Variants in HADH observed in about 807,000 individuals in gnomAD.
HADH encodes hydroxyacyl-CoA dehydrogenase, also known as hydroxyacyl-coenzyme A dehydrogenase, mitochondrial.
HADH carries 24 observed loss-of-function variants against 32.2 expected under a neutral mutation model. The observed-to-expected ratio is 0.75, with a 90% CI of 0.54 to 1.05. The LOEUF (loss-of-function observed/expected upper bound fraction) is 1.05, where lower values mean the gene tolerates loss of function less well. HADH is among the 50% of genes least tolerant of loss of function. The pLI is 0.00. For synonymous variants in HADH, 139 were observed against 152.5 expected (o/e 0.91, Z 0.65); for missense variants, 350 against 397.1 (o/e 0.88, Z 1.01).
intron 1 of HADH, among the ~76,000 whole-genome samples, chr4:107,999,864 A>G (rs558614926): frequency 1.3e-5 from 2 of 152,358 alleles, no homozygotes; most frequent in South Asian, 4.1e-4. Context: ...ATAATAGTTT[A>G]CATACCTTAC....
At chr4:107,994,291 C>G (rs1734895054) in intron 1 of HADH, among the ~76,000 whole-genome samples, 1 of 151,832 alleles carries the variant, frequency 6.6e-6, no homozygotes, top group Non-Finnish European at 1.5e-5. Context: ...CTAGAGAGAG[C>G]TTCTTTGGCT....
intron 4 of HADH, among the ~76,000 whole-genome samples, chr4:108,021,759 G>C (rs1229201184): frequency 6.6e-6 from 1 of 152,142 alleles, no homozygotes; most frequent in Non-Finnish European, 1.5e-5. Flanking sequence ...AGACTTTTTA[G>C]ACCTCCTTTC....
Position 108,001,065 on chromosome 4 carries a change from T to G in HADH, c.133-8694T>G, listed in dbSNP as rs78179829. 3.0e-3 allele frequency among the ~76,000 whole-genome samples: 450 copies of G among 152,328 alleles called. 5 individuals carry two copies. The highest frequency in any genetic ancestry group is 9.9e-3 in the African/African-American group (411 of 41,578). ...GCAGTAAAAATCTAGTTCTGAGGTT[T>G]CAAAATAGAAAGTACATTCATTTGG... is the stretch of plus-strand genomic sequence containing the variant. On this transcript the variant is annotated intron_variant, in intron 1 of 7. Coordinates refer to ENST00000309522, the MANE Select transcript of HADH (RefSeq NM_005327.7).
At chr4:108,011,478 CGTG>C (rs1462831239) in intron 2 of HADH, among the ~76,000 whole-genome samples, 1 of 152,136 alleles carries the variant, frequency 6.6e-6, no homozygotes, top group Non-Finnish European at 1.5e-5. Context: ...TCCCACAACA[CGTG>C]GGGATTATTA....
At chr4:108,028,900 T>A (rs1055244258) in intron 6 of HADH, 4 of 398,472 alleles carry the variant, frequency 1.0e-5, no homozygotes, top group Non-Finnish European at 1.8e-5. Flanking sequence ...TTGTCTGTGG[T>A]CCCTTTCTGC....
At chr4:107,990,989 G>T (rs966766236) in intron 1 of HADH, among the ~76,000 whole-genome samples, 1 of 152,000 alleles carries the variant, frequency 6.6e-6, no homozygotes, top group Non-Finnish European at 1.5e-5. Flanking sequence ...TGATCCGCCC[G>T]CCTGGCCTCC....
chr4:108,017,340 A>G (rs1214480696), intron 3 of HADH, among the ~76,000 whole-genome samples: 2 of 152,144 alleles, frequency 1.3e-5, no homozygotes, highest in African/African-American at 2.4e-5. Context: ...TCCCCTTTAG[A>G]CAAAGTACAG....
chr4:108,021,307 G>T (rs756669586), intron 4 of HADH, among the ~76,000 whole-genome samples: 1 of 152,214 alleles, frequency 6.6e-6, no homozygotes, highest in Non-Finnish European at 1.5e-5. Context: ...ATCTGGTAAT[G>T]TATGCTTTTG....
rs931293481 is a variant in HADH, at chr4:108,033,979, A to G, written c.827-260A>G. On this transcript the variant is annotated intron_variant, in intron 7 of 7. Transcript: ENST00000309522. ...GCCTTTGGCCGTAGTGATTTCTGAG[A>G]AGACACTGGATAAGCAGGAGGACCA... Among the ~76,000 whole-genome samples the G allele has an allele frequency of 4.6e-5, 7 of 152,346 alleles. No individual in the cohort carries two copies. The East Asian group carries it at 1.4e-3, about 29-fold the overall frequency.
chr4:107,994,153 G>C (rs1734890808), intron 1 of HADH, among the ~76,000 whole-genome samples: 1 of 152,024 alleles, frequency 6.6e-6, no homozygotes, highest in South Asian at 2.1e-4. Context: ...CTTCTTTTTA[G>C]TGCACTACTC....
At chr4:108,032,035 G>C (rs1044645334) in intron 6 of HADH, 1 of 294,052 alleles carries the variant, frequency 3.4e-6, no homozygotes, top group African/African-American at 2.1e-5. Flanking sequence ...AAATCCTTTG[G>C]AATTACTTTA....
At chr4:108,013,531 G>A (rs1464650935) in intron 2 of HADH, among the ~76,000 whole-genome samples, 1 of 152,028 alleles carries the variant, frequency 6.6e-6, no homozygotes, top group Admixed American at 6.6e-5. Context: ...CCTCTGCCAG[G>A]GACACCACTG....
chr4:107,991,473 T>A (rs759158290), intron 1 of HADH, among the ~76,000 whole-genome samples: 8 of 152,218 alleles, frequency 5.3e-5, no homozygotes, highest in Non-Finnish European at 1.2e-4. Context: ...TACAACGTTT[T>A]TATTTGATTG....
chr4:108,014,463 C>T lies in HADH; in HGVS notation c.294C>T (p.Ser98=), dbSNP rs537845181. 1.9e-6 allele frequency: 3 copies of T among 1,614,136 alleles called. No individual in the cohort carries two copies. The highest frequency in any genetic ancestry group is 4.5e-5 in the East Asian group (2 of 44,882). The change falls in exon 3 of 8, where the codon AGC becomes AGT. Residue 98 remains serine (S), a synonymous_variant. Transcript: ENST00000309522. ...ATGAATTTGTGGAGAAGACCCTGAG[C>T]ACCATAGCGACCAGCACGGATGCAG... is the stretch of plus-strand genomic sequence containing the variant. The part of the protein sequence containing the change: ...AGDEFVEKTL[S]TIATSTDAAS...
intron 5 of HADH, 24 bp downstream of exon 5, chr4:108,023,587 A>G: frequency 7.6e-7 from 1 of 1,308,532 alleles, no homozygotes; most frequent in Non-Finnish European, 1.1e-6. Context: ...TAGCTTGGGA[A>G]GGAGGTAGTT....
chr4:108,004,446 C>A, intron 1 of HADH: 1 of 335,898 alleles, frequency 3.0e-6, no homozygotes. Context: ...TTTTTTTACC[C>A]AAACTGTACA....
At chr4:108,019,808 C>G in intron 4 of HADH, 142 bp downstream of exon 4, 1 of 881,246 alleles carries the variant, frequency 1.1e-6, no homozygotes, top group Admixed American at 1.8e-5. Flanking sequence ...AGCCTCATAT[C>G]TAGGAGGGCT....
chr4:108,006,639 GA>G (rs1735302296), intron 1 of HADH, among the ~76,000 whole-genome samples: 1 of 152,166 alleles, frequency 6.6e-6, no homozygotes, highest in Non-Finnish European at 1.5e-5. Context: ...TGGAGTCTGA[GA>G]ATTTGTATTT....
At chr4:108,003,423 T>C (rs193103280) in intron 1 of HADH, among the ~76,000 whole-genome samples, 207 of 152,316 alleles carry the variant, frequency 1.4e-3, no homozygotes, top group Middle Eastern at 3.4e-3. Flanking sequence ...TACTATCATA[T>C]TGGCAGTGCC....
Sources: allele counts gnomAD v4.1 joint callset (sites outside exome capture counted in the v4.1 genomes callset), GRCh38; gene constraint gnomAD v4.1.1; transcripts MANE v1.5; gene names NCBI Gene and HGNC (gene_info 2026-07-23, HGNC 2026-07-21).